Variants in ALPK2 observed in about 807,000 individuals in gnomAD.
ALPK2 encodes alpha kinase 2, also known as alpha-protein kinase 2.
ALPK2 carries 127 observed loss-of-function variants against 163.1 expected under a neutral mutation model. That is an observed-to-expected ratio of 0.78 (90% CI 0.67 to 0.90). The LOEUF (loss-of-function observed/expected upper bound fraction) is 0.90, where lower values mean the gene tolerates loss of function less well. Among genes scored for constraint, ALPK2 ranks in the 40% least tolerant of loss-of-function variants. The pLI is 0.00. For missense variants in ALPK2, 2,360 were observed against 2,589.6 expected (o/e 0.91, Z 1.92); for synonymous variants, 953 against 959.1 (o/e 0.99, Z 0.12).
intron 8 of ALPK2, among the ~76,000 whole-genome samples, chr18:58,518,747 G>C (rs2051534967): frequency 1.3e-5 from 2 of 152,186 alleles, no homozygotes; most frequent in African/African-American, 4.8e-5. Flanking sequence ...GAATCCAGAT[G>C]CTGGGAGATT....
At chr18:58,531,672 G>A (rs1281259054) in intron 5 of ALPK2, among the ~76,000 whole-genome samples, 1 of 134,710 alleles carries the variant, frequency 7.4e-6, no homozygotes, top group Non-Finnish European at 1.6e-5. Flanking sequence ...AAAAAGGACG[G>A]GCATGCGGGC....
intron 3 of ALPK2, among the ~76,000 whole-genome samples, chr18:58,589,577 C>T (rs927610031): frequency 3.9e-5 from 6 of 152,050 alleles, no homozygotes; most frequent in African/African-American, 1.4e-4. Context: ...TTCTAGCTAC[C>T]AGCACAATAT....
intron 11 of ALPK2, among the ~76,000 whole-genome samples, chr18:58,501,786 T>C (rs1023315812): frequency 6.6e-6 from 1 of 152,106 alleles, no homozygotes; most frequent in African/African-American, 2.4e-5. Flanking sequence ...AGGGTTATTA[T>C]GAAGATTAAG....
chr18:58,598,844 A>G (rs2052054563), intron 3 of ALPK2, among the ~76,000 whole-genome samples: 4 of 152,126 alleles, frequency 2.6e-5, no homozygotes, highest in Admixed American at 2.0e-4. Flanking sequence ...CTGTGATTAC[A>G]AGGTAGGGCT....
rs146152799 is a variant in ALPK2, at chr18:58,537,864, A to G, written c.2323T>C (p.Ser775Pro). The change falls in exon 5 of 13, where the codon TCT (serine) becomes CCT (proline). Residue 775 changes from serine (S) to proline (P), a missense_variant. Transcript: ENST00000361673. Reference protein sequence around the residue: ...RADFREPVAVSVASPEPTDTA... With the variant: ...RADFREPVAVPVASPEPTDTA... Reference sequence around the variant, plus strand: ...TCTGTGGGTTCAGGGGAAGCAACAGAGACAGCCACAGGCTCCCTGAAGTCA... The same window carrying G: ...TCTGTGGGTTCAGGGGAAGCAACAGGGACAGCCACAGGCTCCCTGAAGTCA... 982 of 1,614,168 alleles carry G rather than the reference A, an allele frequency of 6.1e-4. 2 individuals are homozygous for G. The highest frequency in any genetic ancestry group is 7.6e-4 in the Non-Finnish European group (893 of 1,180,026).
intron 4 of ALPK2, among the ~76,000 whole-genome samples, chr18:58,538,901 A>T (rs764376300): frequency 8.6e-4 from 102 of 118,946 alleles, no homozygotes; most frequent in Admixed American, 1.4e-3. Context: ...CCCCACCCCC[A>T]CCCTGCTTCC....
chr18:58,627,538 T>C (rs2144247944), intron 1 of ALPK2, among the ~76,000 whole-genome samples: 1 of 152,252 alleles, frequency 6.6e-6, no homozygotes, highest in Middle Eastern at 3.4e-3. Context: ...GGCAGGAGAA[T>C]CGCTTGAACC....
chr18:58,569,459 G>A (rs2144186072), intron 4 of ALPK2, among the ~76,000 whole-genome samples: 1 of 152,218 alleles, frequency 6.6e-6, no homozygotes, highest in African/African-American at 2.4e-5. Flanking sequence ...TGTGGACTGG[G>A]GCTATTGGAA....
intron 9 of ALPK2, 113 bp downstream of exon 9, chr18:58,516,795 G>A (rs1401856032): frequency 7.7e-7 from 1 of 1,296,146 alleles, no homozygotes; most frequent in Non-Finnish European, 1.1e-6. Context: ...CCCCAAAAGA[G>A]GAAAAACACC....
At chr18:58,611,846 C>T (rs2052133928) in intron 1 of ALPK2, 29 bp from the exon 2 acceptor site, 2 of 1,338,960 alleles carry the variant, frequency 1.5e-6, no homozygotes, top group East Asian at 4.8e-5. Flanking sequence ...CCCGACATCA[C>T]CATTTGTTCT....
At chr18:58,497,314 A>G (rs1450086185) in intron 12 of ALPK2, among the ~76,000 whole-genome samples, 3 of 152,234 alleles carry the variant, frequency 2.0e-5, no homozygotes, top group African/African-American at 7.2e-5. Flanking sequence ...ACGTAGGAAG[A>G]GCAGGAGTGG....
intron 4 of ALPK2, among the ~76,000 whole-genome samples, chr18:58,557,700 ATTTATATTTTGTCATTGGAT>A (rs143433016): frequency 0.025 from 3,663 of 145,440 alleles, 123 homozygotes; most frequent in South Asian, 0.089. Context: ...ATATATATAT[ATTTATATTTTGTCATTGGAT>A]TGTATTTATA....
At chr18:58,492,904 A>G (rs1172174164) in intron 12 of ALPK2, among the ~76,000 whole-genome samples, 1 of 152,232 alleles carries the variant, frequency 6.6e-6, no homozygotes, top group Non-Finnish European at 1.5e-5. Context: ...AGACTCCCCC[A>G]TACACTGAGA....
At position 58,574,514 on chromosome 18, in the gene ALPK2, C is replaced by T. The variant is rs368555947; in HGVS notation, c.1962+4300G>A. Among the ~76,000 whole-genome samples, 6 of 151,760 alleles carry T rather than the reference C, an allele frequency of 4.0e-5. No homozygotes were observed. The East Asian group carries it at 5.8e-4, about 15-fold the overall frequency. ...CAACCCCCAGCCCCAGGCCATGGAC[C>T]GGTAACTGTCTGTCTCCTGTTAGGA... On this transcript the variant is annotated intron_variant, in intron 4 of 12. Coordinates refer to ENST00000361673, the MANE Select transcript of ALPK2 (RefSeq NM_052947.4).
intron 4 of ALPK2, among the ~76,000 whole-genome samples, chr18:58,564,041 GA>G (rs2051837957): frequency 6.6e-6 from 1 of 152,006 alleles, no homozygotes; most frequent in African/African-American, 2.4e-5. Context: ...ATTGAGAAAG[GA>G]AGGAAAGGAG....
At chr18:58,545,253 A>G (rs2051711785) in intron 4 of ALPK2, 1 of 144,224 alleles carries the variant, frequency 6.9e-6, no homozygotes, top group Admixed American at 6.9e-5. Flanking sequence ...ACACACACAC[A>G]CTATTAGCTA....
chr18:58,610,307 G>T (rs1343804646), intron 2 of ALPK2, among the ~76,000 whole-genome samples: 1 of 151,242 alleles, frequency 6.6e-6, no homozygotes, highest in African/African-American at 2.4e-5. Flanking sequence ...AAGAGCAAGG[G>T]GAGAAGAGTT....
intron 4 of ALPK2, among the ~76,000 whole-genome samples, chr18:58,539,340 AG>A (rs1568079680): frequency 6.6e-6 from 1 of 151,794 alleles, no homozygotes; most frequent in Admixed American, 6.6e-5. Context: ...AAAAGGGGAG[AG>A]GGGGAGGGAG....
Position 58,534,971 on chromosome 18 carries a change from C to T in ALPK2, c.5216G>A (p.Arg1739Lys). The change falls in exon 5 of 13, where the codon AGG (arginine) becomes AAG (lysine). Residue 1739 changes from arginine (R) to lysine (K), a missense_variant. Arg to Lys is a conservative substitution (Grantham distance 26). Transcript: ENST00000361673. ...ATTTTCCTTTTCTTCCAGTTTCAGC[C>T]TCAGTGCTGCCACCCTGGACAAAAT... ...KKILSRVAALRLKLEEKENIR... is the reference protein window; with the variant it reads ...KKILSRVAALKLKLEEKENIR... 1 of 1,614,166 alleles carries T rather than the reference C, an allele frequency of 6.2e-7. No individual in the cohort carries two copies. The highest frequency in any genetic ancestry group is 8.5e-7 in the Non-Finnish European group (1 of 1,180,028).
Sources: gnomAD v4.1 joint callset for allele counts (sites outside exome capture counted in the v4.1 genomes callset) on GRCh38, gnomAD v4.1.1 for gene constraint, MANE v1.5 for transcripts, NCBI Gene and HGNC (gene_info 2026-07-23, HGNC 2026-07-21) for gene names.